Variants in AHCTF1 observed in about 807,000 individuals in gnomAD.
AHCTF1 encodes the protein AT-hook containing transcription factor 1, also known as protein ELYS.
A neutral mutation model predicts 248.4 loss-of-function variants in AHCTF1; 24 were observed. That is an observed-to-expected ratio of 0.10 (90% CI 0.07 to 0.14). AHCTF1 has a LOEUF of 0.14. AHCTF1 is among the 10% of genes least tolerant of loss of function. The pLI, the probability that AHCTF1 is intolerant of heterozygous loss-of-function variation, is 1.00. For missense variants in AHCTF1, 2,206 were observed against 2,636.2 expected, an observed-to-expected ratio of 0.84 and a Z score of 3.57; for synonymous variants, 786 against 929.8, an observed-to-expected ratio of 0.85 and a Z score of 2.81.
intron 30 of AHCTF1, among the ~76,000 whole-genome samples, chr1:246,856,881 A>C (rs1174311323): frequency 6.6e-6 from 1 of 152,128 alleles, no homozygotes; most frequent in Non-Finnish European, 1.5e-5. Flanking sequence ...AAAGTAACGA[A>C]CCATTTATAA....
At position 246,904,791 on chromosome 1, in the gene AHCTF1, TC is replaced by T. The variant is rs1299457001; in HGVS notation, c.881+749del. 3.9e-5 allele frequency among the ~76,000 whole-genome samples: 6 copies of T among 152,314 alleles called. No homozygotes were observed. In the East Asian group the frequency reaches 1.2e-3, roughly 29 times the overall value. On this transcript the variant is annotated intron_variant, in intron 6 of 35. Transcript: ENST00000648844. ...CTACTAGTTGATCCCTTTTAATAAT[TC>T]CTATTACTAGTTCTTATTTCTTTTA... is the stretch of plus-strand genomic sequence containing the variant.
chr1:246,865,256 T>G (rs1159718218), intron 26 of AHCTF1: 1 of 152,164 alleles, frequency 6.6e-6, no homozygotes, highest in East Asian at 1.9e-4. Context: ...GTGGCTCACC[T>G]GAGAATAACC....
intron 32 of AHCTF1, 103 bp downstream of exon 32, chr1:246,852,988 G>T: frequency 1.3e-6 from 1 of 764,514 alleles, no homozygotes; most frequent in Admixed American, 3.1e-5. Context: ...TTTTTATATA[G>T]CAGTCAAATA....
chr1:246,924,160 A>T (rs1217225685), intron 1 of AHCTF1, among the ~76,000 whole-genome samples: 1 of 152,230 alleles, frequency 6.6e-6, no homozygotes, highest in Non-Finnish European at 1.5e-5. Context: ...AACCTGTGGT[A>T]AAATAACAGG....
intron 1 of AHCTF1, among the ~76,000 whole-genome samples, chr1:246,930,907 G>T (rs1476858361): frequency 1.3e-5 from 2 of 152,146 alleles, no homozygotes; most frequent in Non-Finnish European, 2.9e-5. Context: ...AACCTCGTAA[G>T]CTTTGAGAAC....
At chr1:246,913,773 CTA>C (rs1665964024) in intron 3 of AHCTF1, among the ~76,000 whole-genome samples, 1 of 152,172 alleles carries the variant, frequency 6.6e-6, no homozygotes, top group Non-Finnish European at 1.5e-5. Context: ...GAAAGTCAGT[CTA>C]GTTATTCAAG....
intron 30 of AHCTF1, 55 bp downstream of exon 30, chr1:246,857,636 A>T: frequency 6.5e-7 from 1 of 1,537,086 alleles, no homozygotes; most frequent in African/African-American, 1.4e-5. Flanking sequence ...CTTCTGGTTC[A>T]TAATTTCATT....
chr1:246,854,298 C>CAAA (rs56086758), intron 31 of AHCTF1, among the ~76,000 whole-genome samples: 16 of 113,484 alleles, frequency 1.4e-4, no homozygotes, highest in African/African-American at 3.7e-4. Flanking sequence ...GACTCTGTTT[C>CAAA]AAAAAAAAAA....
chr1:246,904,274 T>G (rs72766526), intron 6 of AHCTF1, among the ~76,000 whole-genome samples: 3,158 of 152,334 alleles, frequency 0.021, 56 homozygotes, highest in Middle Eastern at 0.027. Flanking sequence ...AGATATCTTA[T>G]GTAGCAAAGA....
chr1:246,918,058 C>G (rs1352533133), intron 2 of AHCTF1, among the ~76,000 whole-genome samples, 192 bp downstream of exon 2: 1 of 152,020 alleles, frequency 6.6e-6, no homozygotes, highest in Non-Finnish European at 1.5e-5. Flanking sequence ...TATAACCCCC[C>G]CAATCAGAGG....
At chr1:246,861,912 C>T (rs1261921884) in intron 28 of AHCTF1, 47 bp downstream of exon 28, 6 of 1,499,878 alleles carry the variant, frequency 4.0e-6, no homozygotes, top group Admixed American at 1.8e-5. Flanking sequence ...AGAGCTAATA[C>T]ATTCTTATTA....
chr1:246,861,363 C>T, intron 28 of AHCTF1, 68 bp from the exon 29 acceptor site: 1 of 1,331,362 alleles, frequency 7.5e-7, no homozygotes, highest in East Asian at 2.5e-5. Context: ...CCTAAGCTAC[C>T]CATCCCAATC....
intron 1 of AHCTF1, among the ~76,000 whole-genome samples, chr1:246,926,941 A>G (rs572883508): frequency 1.0e-3 from 153 of 152,128 alleles, no homozygotes; most frequent in East Asian, 2.1e-3. Context: ...TTGGGAGGCT[A>G]AGGCGGGCGG....
At chr1:246,856,937 T>TTAC (rs1661150375) in intron 30 of AHCTF1, among the ~76,000 whole-genome samples, 1 of 152,240 alleles carries the variant, frequency 6.6e-6, no homozygotes, top group Non-Finnish European at 1.5e-5. Flanking sequence ...TGAATCACCC[T>TTAC]TACTACTACT....
chr1:246,852,196 G>A (rs1415601135), intron 32 of AHCTF1, among the ~76,000 whole-genome samples: 1 of 151,960 alleles, frequency 6.6e-6, no homozygotes, highest in East Asian at 1.9e-4. Flanking sequence ...CTAGAAATTA[G>A]GATTCCCACT....
chr1:246,922,433 G>GT lies in AHCTF1; in HGVS notation c.-7-4057dup, dbSNP rs914987571. On this transcript the variant is annotated intron_variant, in intron 1 of 35. Coordinates refer to ENST00000648844, the MANE Select transcript of AHCTF1 (RefSeq NM_001323342.2). ...GTATTCTGTTGCGGTTTTTTGGGTT[G>GT]TTTTTTTTTTTTGACAGGGTCTCAC... Among the ~76,000 whole-genome samples the GT allele has an allele frequency of 6.2e-3, 877 of 141,104 alleles. 5 individuals are homozygous for GT. The highest frequency in any genetic ancestry group is 0.018 in the African/African-American group (671 of 37,848). 92.6% of individuals were successfully genotyped at this position (141,104 alleles called of 152,430 possible).
In AHCTF1 at chr1:246,876,981, T is replaced by C. The variant is rs754567541; in HGVS notation, c.2906A>G (p.Lys969Arg). 1.9e-6 allele frequency: 3 copies of C among 1,612,064 alleles called. No homozygotes were observed. Among genetic ancestry groups the C allele is most frequent in the African/African-American group, 1.3e-5 (1 of 74,968 alleles). Residue 969 changes from lysine (K) to arginine (R), a missense_variant, in exon 23 of 36, where the codon AAG becomes AGG. By Grantham distance (26) the Lys-to-Arg change is conservative. Coordinates refer to ENST00000648844, the MANE Select transcript of AHCTF1 (RefSeq NM_001323342.2). ...LQRANYVPAL[K>R]LNQTLKINVM... is the part of the protein sequence containing the mutation. ...ATTAATCTTCAGAGTTTGGTTCAGC[T>C]TCAAGGCAGGCACATAATTGGCACG...
intron 3 of AHCTF1, among the ~76,000 whole-genome samples, chr1:246,914,706 G>A (rs1431601066): frequency 6.6e-6 from 1 of 152,092 alleles, no homozygotes; most frequent in African/African-American, 2.4e-5. Context: ...ACAGCTAGTA[G>A]GTTGAACTTT....
chr1:246,918,528 G>GCTCA (rs1173934193), intron 1 of AHCTF1, among the ~76,000 whole-genome samples, 151 bp from the exon 2 acceptor site: 1 of 152,240 alleles, frequency 6.6e-6, no homozygotes, highest in Non-Finnish European at 1.5e-5. Context: ...AGATGCGGAG[G>GCTCA]CTCACGCCTT....
Sources: allele counts gnomAD v4.1 joint callset (sites outside exome capture counted in the v4.1 genomes callset), GRCh38; gene constraint gnomAD v4.1.1; transcripts MANE v1.5; gene names NCBI Gene and HGNC (gene_info 2026-07-23, HGNC 2026-07-21).